KMT2C: variants seen among roughly 807,000 people sequenced by gnomAD.
KMT2C encodes lysine methyltransferase 2C.
In KMT2C, 88 loss-of-function variants were observed where a neutral mutation model predicts 507.9. The observed-to-expected ratio is 0.17, with a 90% confidence interval of 0.15 to 0.21. The LOEUF (loss-of-function observed/expected upper bound fraction) is 0.21, where lower values mean the gene tolerates loss of function less well. Ranked by LOEUF, KMT2C falls within the 10% of genes least tolerant of loss-of-function variation. The pLI, the probability that KMT2C is intolerant of heterozygous loss-of-function variation, is 1.00. For synonymous variants in KMT2C, 2,049 were observed against 2,080.8 expected, an observed-to-expected ratio of 0.98 and a Z score of 0.42; for missense variants, 4,954 against 5,957.8, an observed-to-expected ratio of 0.83 and a Z score of 5.55.
chr7:152,370,969 T>C (rs1179689917), intron 1 of KMT2C, among the ~76,000 whole-genome samples: 1 of 152,060 alleles, frequency 6.6e-6, no homozygotes, highest in Non-Finnish European at 1.5e-5. Flanking sequence ...ATGTGGGAGG[T>C]CACCACCATT....
chr7:152,341,523 C>T (rs2096992001), intron 2 of KMT2C, among the ~76,000 whole-genome samples: 1 of 152,128 alleles, frequency 6.6e-6, no homozygotes, highest in Non-Finnish European at 1.5e-5. Flanking sequence ...ATATGATTTC[C>T]ACCCACAATT....
chr7:152,228,885 A>T (rs972190191), intron 18 of KMT2C, among the ~76,000 whole-genome samples: 1 of 152,184 alleles, frequency 6.6e-6, no homozygotes, highest in Non-Finnish European at 1.5e-5. Flanking sequence ...ATTTTAAAAG[A>T]CTACATAAAT....
chr7:152,240,254 C>T (rs2095358206), intron 14 of KMT2C, among the ~76,000 whole-genome samples: 1 of 152,212 alleles, frequency 6.6e-6, no homozygotes, highest in Admixed American at 6.5e-5. Flanking sequence ...TTCTTCCCTA[C>T]TATTAGTAAG....
At chr7:152,272,001 G>A (rs779306021) in intron 7 of KMT2C, among the ~76,000 whole-genome samples, 13 of 151,936 alleles carry the variant, frequency 8.6e-5, no homozygotes, top group Admixed American at 4.6e-4. Context: ...ATTTTTGGGG[G>A]GGGTCTCTCT....
intron 40 of KMT2C, among the ~76,000 whole-genome samples, chr7:152,170,510 T>C (rs1236189160): frequency 1.3e-5 from 2 of 152,148 alleles, no homozygotes; most frequent in African/African-American, 2.4e-5. Context: ...ACTTGCTGTG[T>C]TTGTTTGTTT....
intron 1 of KMT2C, among the ~76,000 whole-genome samples, chr7:152,401,466 G>C (rs1003526817): frequency 5.3e-5 from 8 of 151,910 alleles, no homozygotes; most frequent in African/African-American, 1.4e-4. Flanking sequence ...CGAGGCAAGT[G>C]GATCAGTTGA....
chr7:152,146,176 A>G (rs2091079983), intron 53 of KMT2C, among the ~76,000 whole-genome samples: 1 of 152,218 alleles, frequency 6.6e-6, no homozygotes, highest in Admixed American at 6.5e-5. Flanking sequence ...GCTGCGATCT[A>G]CTGCCCTCTA....
At chr7:152,422,842 T>G (rs975157559) in intron 1 of KMT2C, among the ~76,000 whole-genome samples, 1 of 151,166 alleles carries the variant, frequency 6.6e-6, no homozygotes, top group Non-Finnish European at 1.5e-5. Context: ...GCTAACACGG[T>G]GAAACCCCGT....
At chr7:152,352,302 T>A (rs2097119308) in intron 2 of KMT2C, among the ~76,000 whole-genome samples, 1 of 152,170 alleles carries the variant, frequency 6.6e-6, no homozygotes, top group Non-Finnish European at 1.5e-5. Flanking sequence ...CCTGATAAGA[T>A]GTTATCAATT....
rs185829548 is a variant in KMT2C at position 152,186,350 on chromosome 7, T to C, written c.5009-719A>G. Reference sequence around the variant, plus strand: ...GCTCTGCTGTAAGGACAATTTGTGCTGACACAAAATGACAACATACCCATG... The same window carrying C: ...GCTCTGCTGTAAGGACAATTTGTGCCGACACAAAATGACAACATACCCATG... On this transcript the variant is annotated intron_variant, in intron 33 of 58. Transcript: ENST00000262189. Among the ~76,000 whole-genome samples, 4 of 152,308 alleles carry C rather than the reference T, an allele frequency of 2.6e-5. No individual in the cohort carries two copies. In the East Asian group the frequency reaches 7.7e-4, roughly 29 times the overall value.
At chr7:152,227,072 C>A (rs1455579004) in intron 18 of KMT2C, among the ~76,000 whole-genome samples, 3 of 152,204 alleles carry the variant, frequency 2.0e-5, no homozygotes, top group Non-Finnish European at 4.4e-5. Flanking sequence ...ATTCACTCTT[C>A]AAAACACTAC....
chr7:152,315,374 A>G, intron 3 of KMT2C, 36 bp from the exon 4 acceptor site: 1 of 1,508,030 alleles, frequency 6.6e-7, no homozygotes, highest in Non-Finnish European at 9.2e-7. Context: ...AGAAGGAGAA[A>G]AGTAGCTTTA....
At chr7:152,186,225 A>C (rs751638083) in intron 33 of KMT2C, among the ~76,000 whole-genome samples, 332 of 152,242 alleles carry the variant, frequency 2.2e-3, no homozygotes, top group Non-Finnish European at 3.9e-3. Context: ...ATGAAAATGA[A>C]AAATCAGTTC....
chr7:152,222,207 T>C, intron 21 of KMT2C, 141 bp from the exon 22 acceptor site: 1 of 567,952 alleles, frequency 1.8e-6, no homozygotes, highest in Non-Finnish European at 2.9e-6. Context: ...AAAGTGCTTT[T>C]TAAAGCAACA....
Position 152,187,638 on chromosome 7 carries a change from T to C in KMT2C, c.4793+77A>G, listed in dbSNP as rs2093664822. 40 of 1,521,352 alleles carry C rather than the reference T, an allele frequency of 2.6e-5. No individual in the cohort carries two copies. In the South Asian group the frequency reaches 4.4e-4, roughly 17 times the overall value. 94.2% of individuals were successfully genotyped at this position (1,521,352 alleles called of 1,614,324 possible). A position where few individuals can be genotyped will look rare whatever the true frequency, so the allele number is the denominator to read the frequency against. On this transcript the variant is annotated intron_variant, in intron 32 of 58. Transcript: ENST00000262189. Reference sequence around the variant, plus strand: ...CATACAATAATATCATACACAATCATTTAAGCAGACTAATTTATATATAAA... The same window carrying C: ...CATACAATAATATCATACACAATCACTTAAGCAGACTAATTTATATATAAA...
chr7:152,182,385 G>A lies in KMT2C; in HGVS notation c.5475C>T (p.Phe1825=), dbSNP rs1332067801. The A allele has an allele frequency of 7.4e-6, 12 of 1,613,312 alleles. No homozygotes were observed. The highest frequency in any genetic ancestry group is 1.0e-5 in the Non-Finnish European group (12 of 1,179,584). The change falls in exon 36 of 59, where the codon TTC becomes TTT. Residue 1825 remains phenylalanine (F), a synonymous_variant. Coordinates refer to ENST00000262189, the MANE Select transcript of KMT2C (RefSeq NM_170606.3). The stretch of plus-strand genomic sequence containing the variant: ...GCTGTTTTGTAAACAGTTCTTTATG[G>A]AATGACTGTGCAGGAGACATATTTC... The part of the protein sequence containing the change: ...GNGNMSPAQS[F]HKELFTKQPP...
chr7:152,171,405 A>C (rs763666323), intron 39 of KMT2C, 63 bp from the exon 40 acceptor site: 12 of 1,081,642 alleles, frequency 1.1e-5, no homozygotes, highest in Non-Finnish European at 1.6e-5. Flanking sequence ...ATATTAATTA[A>C]AAACTGTATT....
chr7:152,234,589 C>T (rs376140269), intron 16 of KMT2C, among the ~76,000 whole-genome samples: 53 of 151,952 alleles, frequency 3.5e-4, no homozygotes, highest in Non-Finnish European at 4.6e-4. Context: ...CAAAACCAGA[C>T]GAAGACATTA....
rs2097415925 is a variant in KMT2C at position 152,385,405 on chromosome 7, G to A, written c.162-26730C>T. Among the ~76,000 whole-genome samples, 7 of 136,480 alleles carry A rather than the reference G, an allele frequency of 5.1e-5. 1 individual carries two copies. Among genetic ancestry groups the A allele is most frequent in the Admixed American group, 4.9e-4 (7 of 14,364 alleles). 89.5% of individuals were successfully genotyped at this position (136,480 alleles called of 152,430 possible). The stretch of plus-strand genomic sequence containing the variant: ...AGGCGGGCGGATCACGAGGTCAGGA[G>A]ATCGAGACCATCCCGGCTAAAACGG... On this transcript the variant is annotated intron_variant, in intron 1 of 58. Transcript: ENST00000262189.
Sources: allele counts gnomAD v4.1 joint callset (sites outside exome capture counted in the v4.1 genomes callset), GRCh38; gene constraint gnomAD v4.1.1; transcripts MANE v1.5; gene names NCBI Gene and HGNC (gene_info 2026-07-23, HGNC 2026-07-21).